The following FBN1 variants were observed in gnomAD, a reference collection of about 807,000 sequenced individuals.
FBN1 encodes fibrillin 1.
In FBN1, 29 loss-of-function variants were observed where a neutral mutation model predicts 365.1. The ratio of observed to expected loss-of-function variants is 0.08; its 90% CI spans 0.06 to 0.11. The LOEUF is 0.11. FBN1 is among the 10% of genes least tolerant of loss of function. The pLI is 1.00. For missense variants in FBN1, 2,476 were observed against 3,703.2 expected (o/e 0.67, Z 8.60); for synonymous variants, 1,210 against 1,270.5 (o/e 0.95, Z 1.01).
chr15:48,640,389 G>A (rs1890177151), intron 2 of FBN1, among the ~76,000 whole-genome samples: 1 of 152,078 alleles, frequency 6.6e-6, no homozygotes, highest in Non-Finnish European at 1.5e-5. Context: ...ACCCCTGCAG[G>A]AGTCTTTCCC....
At chr15:48,524,013 G>A (rs1250710394) in intron 9 of FBN1, among the ~76,000 whole-genome samples, 2 of 152,168 alleles carry the variant, frequency 1.3e-5, no homozygotes, top group African/African-American at 4.8e-5. Context: ...CGTCTAGCCT[G>A]TCAACAGGCT....
intron 8 of FBN1, among the ~76,000 whole-genome samples, chr15:48,533,397 C>T (rs961006778): frequency 2.0e-5 from 3 of 152,088 alleles, no homozygotes; most frequent in African/African-American, 2.4e-5. Flanking sequence ...TCCCCTCTCA[C>T]GAAGAAATTA....
chr15:48,441,135 T>C (rs889493411), intron 50 of FBN1, among the ~76,000 whole-genome samples: 2 of 152,202 alleles, frequency 1.3e-5, no homozygotes, highest in Non-Finnish European at 2.9e-5. Context: ...ATCCTTTTGA[T>C]TTTTGTTTAA....
intron 2 of FBN1, among the ~76,000 whole-genome samples, chr15:48,621,882 C>G (rs1203122652): frequency 6.6e-6 from 1 of 151,202 alleles, no homozygotes; most frequent in Non-Finnish European, 1.5e-5. Flanking sequence ...CCTGTAGTCC[C>G]AGCTACTCGG....
Position 48,412,563 on chromosome 15 carries a change from A to T in FBN1, c.8226+6T>A. 2 of 1,613,726 alleles carry T rather than the reference A, an allele frequency of 1.2e-6. No homozygotes were observed. The highest frequency in any genetic ancestry group is 1.7e-6 in the Non-Finnish European group (2 of 1,179,812). On this transcript the variant is annotated splice_donor_region_variant and intron_variant, in intron 65 of 65. Coordinates refer to ENST00000316623, the MANE Select transcript of FBN1 (RefSeq NM_000138.5). Reference sequence around the variant, plus strand: ...AGACATCAGGAGAAACTAACTTCTGACCCACCTCGATATTGGAGGCATCAG... The same window carrying T: ...AGACATCAGGAGAAACTAACTTCTGTCCCACCTCGATATTGGAGGCATCAG...
At chr15:48,547,231 G>C (rs2044100724) in intron 6 of FBN1, among the ~76,000 whole-genome samples, 1 of 152,044 alleles carries the variant, frequency 6.6e-6, no homozygotes. Context: ...ATAAACATTA[G>C]GGTTGAGATT....
rs1057522904 is a variant in FBN1 at position 48,495,273 on chromosome 15, G to A, written c.2540-13C>T. 9.3e-6 allele frequency: 15 copies of A among 1,613,264 alleles called. No homozygotes were observed. Among genetic ancestry groups the A allele is most frequent in the Non-Finnish European group, 1.3e-5 (15 of 1,179,770 alleles). On this transcript the variant is annotated splice_polypyrimidine_tract_variant and intron_variant, in intron 21 of 65. Coordinates refer to ENST00000316623, the MANE Select transcript of FBN1 (RefSeq NM_000138.5). ...CCCTTGATGGTTTCTGCAGAGGAGG[G>A]AATAATATTTAATAGAATCTATATA...
chr15:48,515,549 T>C, intron 11 of FBN1, 22 bp from the exon 12 acceptor site: 3 of 1,613,596 alleles, frequency 1.9e-6, no homozygotes, highest in Non-Finnish European at 2.5e-6. Flanking sequence ...TTAAGCCCCA[T>C]TAAAATTATT....
At chr15:48,558,220 C>G (rs1282411985) in intron 6 of FBN1, among the ~76,000 whole-genome samples, 3 of 152,182 alleles carry the variant, frequency 2.0e-5, no homozygotes, top group Admixed American at 2.0e-4. Flanking sequence ...CATTTCCTAT[C>G]CCAGAATATC....
In FBN1 at chr15:48,452,605, G is replaced by C. The variant is rs1566900494; in HGVS notation, c.5502C>G (p.Asp1834Glu). 6.2e-7 allele frequency: 1 copy of C among 1,614,072 alleles called. No homozygotes were observed. Among genetic ancestry groups the C allele is most frequent in the Non-Finnish European group, 8.5e-7 (1 of 1,180,024 alleles). Residue 1834 changes from aspartate to glutamate, a missense_variant, in exon 45 of 66, where the codon GAC becomes GAG. By Grantham distance (45) the Asp-to-Glu change is conservative. Coordinates refer to ENST00000316623, the MANE Select transcript of FBN1 (RefSeq NM_000138.5). The part of the protein sequence containing the change: ...CINTAGSYRC[D>E]CKPGYRFTST... The stretch of plus-strand genomic sequence containing the variant: ...AGGTGAAGCGGTAGCCGGGCTTACA[G>C]TCACAGCGGTAGCTGCCTGCAGTGT...
At position 48,489,841 on chromosome 15, in the gene FBN1, A is replaced by G. The variant is rs779144259; in HGVS notation, c.3082+10T>C. On this transcript the variant is annotated intron_variant, in intron 25 of 65. Transcript: ENST00000316623. ...GGAGGCAATTGGCCATGGAAAACGTAACATTGTACCTTTGAAGAAAGGCTT... is the reference window on the plus strand; with the variant it reads ...GGAGGCAATTGGCCATGGAAAACGTGACATTGTACCTTTGAAGAAAGGCTT... The G allele has an allele frequency of 1.9e-6, 3 of 1,611,918 alleles. No individual in the cohort carries two copies. Among genetic ancestry groups the G allele is most frequent in the Non-Finnish European group, 2.5e-6 (3 of 1,178,070 alleles).
intron 20 of FBN1, among the ~76,000 whole-genome samples, chr15:48,495,810 A>G (rs776189470): frequency 3.3e-5 from 5 of 152,226 alleles, no homozygotes; most frequent in African/African-American, 4.8e-5. Flanking sequence ...GAATCTTTTT[A>G]TTTAGAAAAT....
At chr15:48,455,196 G>A (rs769042409) in intron 44 of FBN1, among the ~76,000 whole-genome samples, 5 of 152,214 alleles carry the variant, frequency 3.3e-5, no homozygotes, top group Non-Finnish European at 7.3e-5. Context: ...TCTGTGAAAT[G>A]GAAATCAGAA....
chr15:48,474,590 G>C lies in FBN1; in HGVS notation c.4025C>G (p.Thr1342Arg). Residue 1342 changes from threonine (T) to arginine (R), a missense_variant, in exon 33 of 66, where the codon ACA (threonine) becomes AGA (arginine). Thr to Arg is a moderately conservative substitution (Grantham distance 71). Coordinates refer to ENST00000316623, the MANE Select transcript of FBN1 (RefSeq NM_000138.5). ...NCGKHAVCTN[T>R]AGSFKCSCSP... Reference sequence around the variant, plus strand: ...GCAGCTACATTTGAAGCTTCCTGCTGTATTGGTACATACAGCATGTTTGCC... The same window carrying C: ...GCAGCTACATTTGAAGCTTCCTGCTCTATTGGTACATACAGCATGTTTGCC... 6.2e-7 allele frequency: 1 copy of C among 1,614,192 alleles called. No homozygotes were observed. The highest frequency in any genetic ancestry group is 1.1e-5 in the South Asian group (1 of 91,086).
chr15:48,572,171 TCTATTA>T (rs1280716554), intron 6 of FBN1, among the ~76,000 whole-genome samples: 1 of 152,162 alleles, frequency 6.6e-6, no homozygotes, highest in African/African-American at 2.4e-5. Flanking sequence ...TTTCACATTA[TCTATTA>T]TGAATATGGA....
intron 6 of FBN1, among the ~76,000 whole-genome samples, chr15:48,553,597 G>C (rs1300077427): frequency 6.6e-6 from 1 of 152,182 alleles, no homozygotes; most frequent in African/African-American, 2.4e-5. Context: ...GGGAACGGGA[G>C]AATCAAGGGT....
rs143695848 is a variant in FBN1, at chr15:48,536,117, A to AAACAAC, written c.736+1488_736+1493dup. Among the ~76,000 whole-genome samples the AAACAAC allele has an allele frequency of 3.5e-3, 518 of 148,508 alleles. 1 individual carries two copies. Among genetic ancestry groups the AAACAAC allele is most frequent in the Middle Eastern group, 0.02 (6 of 294 alleles). The stretch of plus-strand genomic sequence containing the variant: ...ACCTGGTGGCAGAATCTCTTAGAAA[A>AAACAAC]AACAACAACAACAACAACAACAACA... On this transcript the variant is annotated intron_variant, in intron 7 of 65. Coordinates refer to ENST00000316623, the MANE Select transcript of FBN1 (RefSeq NM_000138.5).
At chr15:48,624,126 A>G (rs1325421171) in intron 2 of FBN1, among the ~76,000 whole-genome samples, 1 of 152,192 alleles carries the variant, frequency 6.6e-6, no homozygotes, top group Non-Finnish European at 1.5e-5. Context: ...ATATATTTAA[A>G]AAAAAAGAAT....
chr15:48,472,615 T>C lies in FBN1; in HGVS notation c.4272A>G (p.Pro1424=), dbSNP rs1187173937. The change falls in exon 35 of 66, where the codon CCA becomes CCG. Residue 1424 remains proline, a synonymous_variant. Transcript: ENST00000316623. The part of the protein sequence containing the change: ...LCGNGQCLNA[P]GGYRCECDMG... ...TGTCGCATTCACAGCGGTATCCTCC[T>C]GGTGCATTGAGGCACTGGCCATTGC... is the stretch of plus-strand genomic sequence containing the variant. 3.1e-6 allele frequency: 5 copies of C among 1,614,210 alleles called. No individual in the cohort carries two copies. Among genetic ancestry groups the C allele is most frequent in the Non-Finnish European group, 4.2e-6 (5 of 1,180,020 alleles).
Sources: allele counts gnomAD v4.1 joint callset (sites outside exome capture counted in the v4.1 genomes callset), GRCh38; gene constraint gnomAD v4.1.1; transcripts MANE v1.5; gene names NCBI Gene and HGNC (gene_info 2026-07-23, HGNC 2026-07-21).